AUTS2: variants seen among roughly 807,000 people sequenced by gnomAD.
AUTS2 encodes the protein autism susceptibility gene 2 protein.
AUTS2 carries 17 observed loss-of-function variants against 112.4 expected under a neutral mutation model. The ratio of observed to expected loss-of-function variants is 0.15; its 90% CI spans 0.10 to 0.23. AUTS2 has a LOEUF of 0.23. Among genes scored for constraint, AUTS2 ranks in the 10% least tolerant of loss-of-function variants. The pLI is 1.00. For missense variants in AUTS2, 1,510 were observed against 1,701.6 expected, an observed-to-expected ratio of 0.89 and a Z score of 1.98; for synonymous variants, 751 against 702.7, an observed-to-expected ratio of 1.07 and a Z score of -1.09.
At chr7:70,085,366 A>G (rs1584697221) in intron 2 of AUTS2, among the ~76,000 whole-genome samples, 2 of 148,708 alleles carry the variant, frequency 1.3e-5, no homozygotes, top group Non-Finnish European at 3.0e-5. Context: ...TTATTTTTGC[A>G]TACTTTTTTT....
At chr7:69,920,255 GCTCTCCTCTC>G (rs976202403) in intron 2 of AUTS2, among the ~76,000 whole-genome samples, 1 of 151,618 alleles carries the variant, frequency 6.6e-6, no homozygotes, top group Non-Finnish European at 1.5e-5. Context: ...TTTTGGCTTA[GCTCTCCTCTC>G]CTCTCCTCTC....
chr7:69,649,808 C>T (rs1427188429), intron 1 of AUTS2, among the ~76,000 whole-genome samples: 1 of 152,116 alleles, frequency 6.6e-6, no homozygotes, highest in Non-Finnish European at 1.5e-5. Context: ...AACCCAGTCT[C>T]GGATTCTGGC....
At chr7:70,259,563 T>C (rs1431685883) in intron 4 of AUTS2, among the ~76,000 whole-genome samples, 1 of 152,210 alleles carries the variant, frequency 6.6e-6, no homozygotes, top group East Asian at 1.9e-4. Context: ...TCTTTGCCTG[T>C]TGATGCCCAT....
intron 2 of AUTS2, among the ~76,000 whole-genome samples, chr7:70,078,741 GA>G (rs1160611115): frequency 6.6e-6 from 1 of 152,212 alleles, no homozygotes; most frequent in Non-Finnish European, 1.5e-5. Flanking sequence ...AGGAAGAAAG[GA>G]AATGGTGGAG....
At chr7:70,260,705 A>G (rs900728751) in intron 4 of AUTS2, among the ~76,000 whole-genome samples, 4 of 152,044 alleles carry the variant, frequency 2.6e-5, no homozygotes, top group African/African-American at 4.8e-5. Flanking sequence ...GTATTTACCC[A>G]AGAGAAATGG....
At chr7:70,715,399 A>C (rs1023135513) in intron 6 of AUTS2, among the ~76,000 whole-genome samples, 2 of 152,142 alleles carry the variant, frequency 1.3e-5, no homozygotes, top group African/African-American at 4.8e-5. Context: ...GAATTTAGTC[A>C]TACCTGCCCT....
chr7:70,079,386 C>T (rs1280915020), intron 2 of AUTS2, among the ~76,000 whole-genome samples: 2 of 151,886 alleles, frequency 1.3e-5, no homozygotes, highest in Non-Finnish European at 2.9e-5. Context: ...CCTGTAATCC[C>T]AACTGCTTGG....
chr7:70,025,857 G>C (rs1800497870), intron 2 of AUTS2, among the ~76,000 whole-genome samples: 2 of 151,262 alleles, frequency 1.3e-5, no homozygotes, highest in South Asian at 4.2e-4. Context: ...ACAGTGGAGA[G>C]CTTATTGTTG....
intron 5 of AUTS2, among the ~76,000 whole-genome samples, chr7:70,484,580 G>A (rs1797913123): frequency 6.6e-6 from 1 of 152,164 alleles, no homozygotes. Flanking sequence ...CCCTCCCCAG[G>A]GGGCTCCCAG....
intron 1 of AUTS2, among the ~76,000 whole-genome samples, chr7:69,603,359 T>TGC (rs1298691204): frequency 6.6e-6 from 1 of 152,234 alleles, no homozygotes; most frequent in African/African-American, 2.4e-5. Context: ...TTATGAAATG[T>TGC]GCTAATATAA....
chr7:70,128,248 A>G (rs1460493331), intron 3 of AUTS2, among the ~76,000 whole-genome samples: 1 of 152,204 alleles, frequency 6.6e-6, no homozygotes, highest in South Asian at 2.1e-4. Flanking sequence ...AAGAAATGTC[A>G]ATCAAATTTC....
rs559835743 is a variant in AUTS2 at position 70,756,737 on chromosome 7, T to C, written c.743-6133T>C. Among the ~76,000 whole-genome samples the C allele has an allele frequency of 1.3e-3, 191 of 152,312 alleles. 3 individuals are homozygous for C. Among genetic ancestry groups the C allele is most frequent in the Admixed American group, 0.011 (171 of 15,294 alleles). Reference sequence around the variant, plus strand: ...TCAGATACCTGGAGCAGCCTTACCATTGTGTCATGATTTTCCCAAATAGCC... The same window carrying C: ...TCAGATACCTGGAGCAGCCTTACCACTGTGTCATGATTTTCCCAAATAGCC... On this transcript the variant is annotated intron_variant, in intron 6 of 18. Coordinates refer to ENST00000342771, the MANE Select transcript of AUTS2 (RefSeq NM_015570.4).
chr7:69,686,512 C>T (rs942401019), intron 1 of AUTS2, among the ~76,000 whole-genome samples: 6 of 152,034 alleles, frequency 3.9e-5, no homozygotes, highest in Admixed American at 1.3e-4. Context: ...TTAAGAATGA[C>T]GAGAGATTTG....
chr7:69,961,377 A>C (rs935650969), intron 2 of AUTS2, among the ~76,000 whole-genome samples: 1 of 152,274 alleles, frequency 6.6e-6, no homozygotes, highest in East Asian at 1.9e-4. Context: ...GGGTGAGTCC[A>C]TTTTATAGAT....
intron 4 of AUTS2, among the ~76,000 whole-genome samples, chr7:70,378,757 A>C (rs1440419379): frequency 1.3e-5 from 2 of 152,258 alleles, no homozygotes; most frequent in Admixed American, 1.3e-4. Context: ...TGTCACTTTT[A>C]AATTTCAAAA....
At chr7:69,964,528 C>A (rs1265745851) in intron 2 of AUTS2, among the ~76,000 whole-genome samples, 2 of 152,104 alleles carry the variant, frequency 1.3e-5, no homozygotes, top group Admixed American at 6.6e-5. Context: ...TTTGTTATCT[C>A]TTTTTGCATA....
At position 69,980,599 on chromosome 7, in the gene AUTS2, A is replaced by G. The variant is rs908033958; in HGVS notation, c.522+81101A>G. 3.3e-5 allele frequency among the ~76,000 whole-genome samples: 5 copies of G among 152,298 alleles called. No homozygotes were observed. In the East Asian group the frequency reaches 9.6e-4, roughly 29 times the overall value. ...ACAGTTAAAGCTTGAAACTGTTAAA[A>G]AAAAAAAGTGTACGCTTACATTGTA... is the stretch of plus-strand genomic sequence containing the variant. On this transcript the variant is annotated intron_variant, in intron 2 of 18. Coordinates refer to ENST00000342771, the MANE Select transcript of AUTS2 (RefSeq NM_015570.4).
chr7:69,880,306 G>T (rs1038404586), intron 1 of AUTS2, among the ~76,000 whole-genome samples: 1 of 152,168 alleles, frequency 6.6e-6, no homozygotes, highest in Non-Finnish European at 1.5e-5. Flanking sequence ...CAATACTGGG[G>T]ATTACAATTC....
chr7:69,740,602 C>T (rs780937037), intron 1 of AUTS2, among the ~76,000 whole-genome samples: 3 of 151,950 alleles, frequency 2.0e-5, no homozygotes, highest in Non-Finnish European at 4.4e-5. Flanking sequence ...TGGCTCACTG[C>T]AACCTCCACC....
Sources: allele counts gnomAD v4.1 joint callset (sites outside exome capture counted in the v4.1 genomes callset), GRCh38; gene constraint gnomAD v4.1.1; transcripts MANE v1.5; gene names NCBI Gene and HGNC (gene_info 2026-07-23, HGNC 2026-07-21).